The following TENM4 variants were observed in gnomAD, a reference collection of about 807,000 sequenced individuals.
TENM4 encodes teneurin-4.
In TENM4, 82 loss-of-function variants were observed where a neutral mutation model predicts 243.3. The ratio of observed to expected loss-of-function variants is 0.34; its 90% confidence interval spans 0.28 to 0.40. The LOEUF is 0.40. Among genes scored for constraint, TENM4 ranks in the 10% least tolerant of loss-of-function variants. The pLI, the probability that TENM4 is intolerant of heterozygous loss-of-function variation, is 1.00. For missense variants in TENM4, 3,138 were observed against 3,673.3 expected (o/e 0.85, Z 3.77); for synonymous variants, 1,412 against 1,456.3 (o/e 0.97, Z 0.69).
intron 29 of TENM4, among the ~76,000 whole-genome samples, chr11:78,684,684 T>C (rs1378336133): frequency 6.6e-6 from 1 of 152,166 alleles, no homozygotes; most frequent in Non-Finnish European, 1.5e-5. Flanking sequence ...CAATTAGGTG[T>C]GTGACTGGGG....
At chr11:78,795,767 A>G (rs1486154157) in intron 15 of TENM4, among the ~76,000 whole-genome samples, 1 of 152,174 alleles carries the variant, frequency 6.6e-6, no homozygotes, top group African/African-American at 2.4e-5. Context: ...TTCTGAAAGT[A>G]TGGCACCCAC....
chr11:78,827,898 T>C (rs1288922685), intron 12 of TENM4, among the ~76,000 whole-genome samples: 5 of 152,212 alleles, frequency 3.3e-5, no homozygotes, highest in Admixed American at 6.5e-5. Context: ...CTTTCACTTA[T>C]TACCTACTGC....
intron 6 of TENM4, among the ~76,000 whole-genome samples, chr11:78,927,442 G>C (rs192332329): frequency 3.9e-5 from 6 of 152,278 alleles, no homozygotes; most frequent in African/African-American, 1.2e-4. Flanking sequence ...ATTAGAACAT[G>C]GTTGCTAAGG....
intron 3 of TENM4, among the ~76,000 whole-genome samples, chr11:79,187,767 T>C (rs1437810116): frequency 2.6e-5 from 4 of 152,046 alleles, no homozygotes; most frequent in Admixed American, 2.6e-4. Context: ...AAGAAGAGAT[T>C]AGGACACAGA....
chr11:79,296,014 T>G (rs1856446478), intron 2 of TENM4, among the ~76,000 whole-genome samples: 1 of 151,822 alleles, frequency 6.6e-6, no homozygotes, highest in African/African-American at 2.4e-5. Flanking sequence ...GCATTCTAGG[T>G]GCATCTACAT....
chr11:78,787,519 T>C (rs541972296), intron 15 of TENM4, among the ~76,000 whole-genome samples: 1 of 152,310 alleles, frequency 6.6e-6, no homozygotes, highest in Admixed American at 6.5e-5. Context: ...ATGAGTCCCC[T>C]TCGCCCAATG....
intron 6 of TENM4, among the ~76,000 whole-genome samples, chr11:79,001,810 T>C (rs182387751): frequency 2.9e-4 from 44 of 152,174 alleles, no homozygotes; most frequent in Admixed American, 7.8e-4. Flanking sequence ...CCAACCAGGG[T>C]GCATCCTGGG....
intron 15 of TENM4, among the ~76,000 whole-genome samples, chr11:78,790,508 A>G (rs1857032682): frequency 6.6e-6 from 1 of 152,214 alleles, no homozygotes; most frequent in Admixed American, 6.5e-5. Flanking sequence ...CTCTTCATGG[A>G]CAATTTCTCA....
At chr11:78,919,614 T>TTC (rs1312108582) in intron 6 of TENM4, among the ~76,000 whole-genome samples, 2 of 152,106 alleles carry the variant, frequency 1.3e-5, no homozygotes, top group African/African-American at 4.8e-5. Context: ...ATATGAGGAA[T>TTC]GCCTGCCTGA....
At chr11:79,123,575 C>T (rs906399049) in intron 4 of TENM4, among the ~76,000 whole-genome samples, 1 of 151,056 alleles carries the variant, frequency 6.6e-6, no homozygotes, top group African/African-American at 2.4e-5. Context: ...CTGGACTCTT[C>T]TCTCCAGACA....
intron 6 of TENM4, among the ~76,000 whole-genome samples, chr11:79,031,765 G>A (rs866394448): frequency 6.6e-6 from 1 of 152,212 alleles, no homozygotes; most frequent in African/African-American, 2.4e-5. Context: ...GGGCAAACGT[G>A]AGTGAACGTT....
chr11:78,778,287 G>A (rs1856775506), intron 17 of TENM4, among the ~76,000 whole-genome samples: 1 of 136,726 alleles, frequency 7.3e-6, no homozygotes, highest in Non-Finnish European at 1.5e-5. Flanking sequence ...AGGGTGACAT[G>A]AGATGGGGTG....
chr11:78,956,334 G>T (rs904741700), intron 6 of TENM4, among the ~76,000 whole-genome samples: 1 of 152,076 alleles, frequency 6.6e-6, no homozygotes, highest in African/African-American at 2.4e-5. Flanking sequence ...AAGAAAGGGG[G>T]CCCGACAGCA....
At position 78,661,551 on chromosome 11, in the gene TENM4, G is replaced by T. The variant is rs1858031016; in HGVS notation, c.7449C>A (p.His2483Gln). ...SWLLTFGFQL[H>Q]NVIPGYPKPD... Reference sequence around the variant, plus strand: ...GTTTGGGATAACCAGGGATCACGTTGTGTAGCTGGAATCCAAAGGTGAGCA... The same window carrying T: ...GTTTGGGATAACCAGGGATCACGTTTTGTAGCTGGAATCCAAAGGTGAGCA... Residue 2483 changes from histidine to glutamine, a missense_variant, in exon 33 of 34, where the codon CAC becomes CAA. Transcript: ENST00000278550. 1 of 1,613,286 alleles carries T rather than the reference G, an allele frequency of 6.2e-7. No homozygotes were observed. The highest frequency in any genetic ancestry group is 1.3e-5 in the African/African-American group (1 of 74,906).
chr11:79,177,020 C>G lies in TENM4; in HGVS notation c.-162-28214G>C, dbSNP rs78875278. On this transcript the variant is annotated intron_variant, in intron 3 of 33. Coordinates refer to ENST00000278550, the MANE Select transcript of TENM4 (RefSeq NM_001098816.3). ...TTTCACCCCTTCTCCACTAACCATACCCCTGACAGACTAAACTTCACAATA... is the reference window on the plus strand; with the variant it reads ...TTTCACCCCTTCTCCACTAACCATAGCCCTGACAGACTAAACTTCACAATA... Among the ~76,000 whole-genome samples the G allele has an allele frequency of 2.6e-5, 4 of 152,144 alleles. No homozygotes were observed. The South Asian group carries it at 8.3e-4, about 32-fold the overall frequency.
intron 3 of TENM4, among the ~76,000 whole-genome samples, chr11:79,202,236 A>G (rs911884919): frequency 2.0e-5 from 3 of 152,172 alleles, no homozygotes; most frequent in Non-Finnish European, 4.4e-5. Context: ...CCCTGCTGTG[A>G]GGGACTTTTC....
At chr11:78,879,625 T>G in intron 9 of TENM4, among the ~76,000 whole-genome samples, 1 of 132,990 alleles carries the variant, frequency 7.5e-6, no homozygotes, top group African/African-American at 2.9e-5. Flanking sequence ...CCGCCCCGTC[T>G]GGGAGGTGGG....
chr11:78,785,591 T>C (rs1856919362), intron 16 of TENM4, among the ~76,000 whole-genome samples: 1 of 152,104 alleles, frequency 6.6e-6, no homozygotes, highest in Non-Finnish European at 1.5e-5. Flanking sequence ...ACAGGGTGAT[T>C]GTAAGGAGGA....
chr11:79,138,360 A>C (rs555958013), intron 4 of TENM4, among the ~76,000 whole-genome samples: 291 of 124,562 alleles, frequency 2.3e-3, no homozygotes, highest in African/African-American at 8.7e-3. Context: ...AATATATAAT[A>C]TATAATATAA....
Sources: gnomAD v4.1 joint callset for allele counts (sites outside exome capture counted in the v4.1 genomes callset) on GRCh38, gnomAD v4.1.1 for gene constraint, MANE v1.5 for transcripts, NCBI Gene and HGNC (gene_info 2026-07-23, HGNC 2026-07-21) for gene names.